Variants in GPR39 observed in about 807,000 individuals in gnomAD.
The protein encoded by GPR39 is G protein-coupled receptor 39, also known as zinc sensing receptor.
Under a neutral mutation model 18.4 loss-of-function variants are expected in GPR39, and 23 were observed. The observed-to-expected ratio is 1.25, with a 90% CI of 0.90 to 1.77. The LOEUF is 1.77. Ranked by LOEUF, GPR39 falls within the 40% of genes most tolerant of loss-of-function variation. GPR39 has a pLI of 0.00. For synonymous variants in GPR39, 280 were observed against 257.9 expected (o/e 1.09, Z -0.82); for missense variants, 647 against 602.4 (o/e 1.07, Z -0.78).
At chr2:132,621,209 C>T (rs1279571274) in intron 1 of GPR39, among the ~76,000 whole-genome samples, 1 of 152,176 alleles carries the variant, frequency 6.6e-6, no homozygotes, top group African/African-American at 2.4e-5. Context: ...GGAAGATTTC[C>T]AAGTTCCTGC....
At chr2:132,608,810 G>A (rs532598379) in intron 1 of GPR39, among the ~76,000 whole-genome samples, 1 of 152,272 alleles carries the variant, frequency 6.6e-6, no homozygotes, top group Non-Finnish European at 1.5e-5. Context: ...GTGGGGTGCG[G>A]GAGCAGGGCG....
intron 1 of GPR39, among the ~76,000 whole-genome samples, chr2:132,588,285 C>T (rs1680767308): frequency 6.6e-6 from 1 of 152,158 alleles, no homozygotes; most frequent in Non-Finnish European, 1.5e-5. Context: ...CCCTTCTCAG[C>T]AGAAGTAAGA....
At chr2:132,640,936 CT>C (rs1681846267) in intron 1 of GPR39, among the ~76,000 whole-genome samples, 1 of 152,144 alleles carries the variant, frequency 6.6e-6, no homozygotes, top group African/African-American at 2.4e-5. Context: ...TTTTCTTCCC[CT>C]GAGAGGCTCA....
chr2:132,431,928 C>G (rs1423704920), intron 1 of GPR39, among the ~76,000 whole-genome samples: 1 of 152,182 alleles, frequency 6.6e-6, no homozygotes, highest in African/African-American at 2.4e-5. Context: ...GGGCCAAAAT[C>G]AAGGTGTCAG....
At chr2:132,436,714 G>A (rs926319614) in intron 1 of GPR39, among the ~76,000 whole-genome samples, 3 of 152,116 alleles carry the variant, frequency 2.0e-5, no homozygotes, top group Admixed American at 1.3e-4. Context: ...CAGTGATGTG[G>A]CATGGTGCTT....
rs766648790 is a variant in GPR39 at position 132,633,908 on chromosome 2, ATGG to A, written c.857-11184_857-11182del. 2.3e-4 allele frequency among the ~76,000 whole-genome samples: 33 copies of A among 146,426 alleles called. No homozygotes were observed. In the East Asian group the frequency reaches 6.1e-3, roughly 27 times the overall value. The stretch of plus-strand genomic sequence containing the variant: ...GGTGGTATAGGTGGAGGTGATAATA[ATGG>A]TGGTGGTGTGGTAGCAGTGTTATTA... On this transcript the variant is annotated intron_variant, in intron 1 of 1. Transcript: ENST00000329321.
At chr2:132,535,473 A>T (rs1346135336) in intron 1 of GPR39, among the ~76,000 whole-genome samples, 4 of 152,108 alleles carry the variant, frequency 2.6e-5, no homozygotes, top group African/African-American at 9.7e-5. Flanking sequence ...ACAGTATTTT[A>T]TTGAGGATTT....
chr2:132,555,306 A>G lies in GPR39; in HGVS notation c.857-89795A>G, dbSNP rs115917491. Among the ~76,000 whole-genome samples the G allele has an allele frequency of 3.2e-3, 483 of 152,314 alleles. 2 individuals carry two copies. Among genetic ancestry groups the G allele is most frequent in the Non-Finnish European group, 5.1e-3 (347 of 68,022 alleles). ...CTGTGAAACAAATTACCCAAAACCT[A>G]GTGCCTTAACTCTAACAGTTTCTTT... On this transcript the variant is annotated intron_variant, in intron 1 of 1. Coordinates refer to ENST00000329321, the MANE Select transcript of GPR39 (RefSeq NM_001508.3).
rs71994549 is a variant in GPR39 at position 132,449,255 on chromosome 2, T to TTG, written c.856+31357_856+31358insTG. On this transcript the variant is annotated intron_variant, in intron 1 of 1. Transcript: ENST00000329321. Reference sequence around the variant, plus strand: ...TGTTTTTTTGTTTGTTTGTTTGTTTTGTTTTGTTTTGAGACAGAGTCTCGC... The same window carrying TTG: ...TGTTTTTTTGTTTGTTTGTTTGTTTTTGGTTTTGTTTTGAGACAGAGTCTCGC... Among the ~76,000 whole-genome samples, 330 of 150,690 alleles carry TTG rather than the reference T, an allele frequency of 2.2e-3. 1 individual carries two copies. Among genetic ancestry groups the TTG allele is most frequent in the African/African-American group, 7.5e-3 (304 of 40,794 alleles).
chr2:132,428,633 T>A (rs12328840), intron 1 of GPR39, among the ~76,000 whole-genome samples: 32,607 of 152,118 alleles, frequency 0.21, 3,671 homozygotes, highest in African/African-American at 0.26. Context: ...TGAATTGTAA[T>A]CTGCATTGTA....
At chr2:132,600,678 C>T (rs1295400154) in intron 1 of GPR39, among the ~76,000 whole-genome samples, 1 of 152,024 alleles carries the variant, frequency 6.6e-6, no homozygotes, top group Non-Finnish European at 1.5e-5. Context: ...AAAACCTGAA[C>T]AGACCAACAA....
chr2:132,546,116 G>A (rs115362776), intron 1 of GPR39, among the ~76,000 whole-genome samples: 8 of 152,302 alleles, frequency 5.3e-5, no homozygotes, highest in Non-Finnish European at 7.4e-5. Context: ...GACAATTTTG[G>A]TTAAGAGTTG....
chr2:132,444,772 T>C (rs757198419), intron 1 of GPR39, among the ~76,000 whole-genome samples: 2 of 152,240 alleles, frequency 1.3e-5, no homozygotes, highest in African/African-American at 2.4e-5. Flanking sequence ...AGAGAATGGC[T>C]ATCTTCCATT....
chr2:132,459,250 G>C (rs980700603), intron 1 of GPR39, among the ~76,000 whole-genome samples: 2 of 152,166 alleles, frequency 1.3e-5, no homozygotes, highest in African/African-American at 4.8e-5. Context: ...TTGTTAAAAA[G>C]GGAAGATTGA....
chr2:132,443,856 GC>G (rs1680481512), intron 1 of GPR39, among the ~76,000 whole-genome samples: 1 of 152,188 alleles, frequency 6.6e-6, no homozygotes, highest in African/African-American at 2.4e-5. Flanking sequence ...AATCTCTTGA[GC>G]CCAGGTGTTC....
chr2:132,640,450 G>A (rs572696823), intron 1 of GPR39, among the ~76,000 whole-genome samples: 5 of 152,292 alleles, frequency 3.3e-5, no homozygotes, highest in African/African-American at 1.2e-4. Flanking sequence ...AGATAAGAAG[G>A]TATTTCATAG....
At chr2:132,498,426 A>G (rs1681689536) in intron 1 of GPR39, among the ~76,000 whole-genome samples, 3 of 152,122 alleles carry the variant, frequency 2.0e-5, no homozygotes, top group East Asian at 3.9e-4. Flanking sequence ...CTTTTTATGG[A>G]CGAGTAGTAT....
At chr2:132,465,278 T>C (rs925821754) in intron 1 of GPR39, among the ~76,000 whole-genome samples, 1 of 152,232 alleles carries the variant, frequency 6.6e-6, no homozygotes, top group Non-Finnish European at 1.5e-5. Context: ...GGATTGTCTC[T>C]ACAGAGGAGT....
chr2:132,534,219 C>G (rs1679698382), intron 1 of GPR39, among the ~76,000 whole-genome samples: 1 of 151,950 alleles, frequency 6.6e-6, no homozygotes, highest in Admixed American at 6.6e-5. Context: ...ATTTATGCAG[C>G]CAAAAAACAC....
Sources: allele counts gnomAD v4.1 joint callset (sites outside exome capture counted in the v4.1 genomes callset), GRCh38; gene constraint gnomAD v4.1.1; transcripts MANE v1.5; gene names NCBI Gene and HGNC (gene_info 2026-07-23, HGNC 2026-07-21).